The following TK2 variants were observed in gnomAD, a reference collection of about 807,000 sequenced individuals.
TK2 encodes the protein thymidine kinase 2.
Under a neutral mutation model 41.9 loss-of-function variants are expected in TK2, and 35 were observed. The ratio of observed to expected loss-of-function variants is 0.84; its 90% CI spans 0.64 to 1.11. The LOEUF is 1.11. Ranked by LOEUF, TK2 falls within the 50% of genes least tolerant of loss-of-function variation. The pLI, the probability that TK2 is intolerant of heterozygous loss-of-function variation, is 0.00. For missense variants in TK2, 320 were observed against 351.1 expected (o/e 0.91, Z 0.71); for synonymous variants, 128 against 129.1 (o/e 0.99, Z 0.06).
chr16:66,524,755 T>G (rs1964880992), intron 6 of TK2: 1 of 152,266 alleles, frequency 6.6e-6, no homozygotes, highest in African/African-American at 2.4e-5. Context: ...TCAGTGCTAC[T>G]GAAGTGGAAT....
At chr16:66,529,146 C>G in intron 5 of TK2, 79 bp from the exon 6 acceptor site, 1 of 1,354,034 alleles carries the variant, frequency 7.4e-7, no homozygotes, top group African/African-American at 1.4e-5. Context: ...GTCTGTTACT[C>G]CCCCTGCCTG....
chr16:66,545,180 T>C (rs536866813), intron 2 of TK2, among the ~76,000 whole-genome samples: 20 of 152,168 alleles, frequency 1.3e-4, no homozygotes, highest in African/African-American at 4.1e-4. Context: ...AATATGCATA[T>C]ATGTATTTAT....
chr16:66,549,173 C>T, intron 1 of TK2, 164 bp from the exon 2 acceptor site: 4 of 1,486,048 alleles, frequency 2.7e-6, no homozygotes, highest in Non-Finnish European at 2.7e-6. Context: ...GCACCACCGT[C>T]TCGCCGATGT....
chr16:66,521,766 G>A (rs890995385), intron 6 of TK2, among the ~76,000 whole-genome samples: 7 of 152,142 alleles, frequency 4.6e-5, no homozygotes, highest in African/African-American at 9.7e-5. Context: ...CAGAATGCAC[G>A]GAGAGCAATA....
chr16:66,549,902 G>A (rs749655552), intron 1 of TK2, 36 bp downstream of exon 1: 3 of 1,336,946 alleles, frequency 2.2e-6, no homozygotes, highest in Non-Finnish European at 2.9e-6. Flanking sequence ...TGGGCGCATA[G>A]GGGCTCCTGG....
At chr16:66,550,166 C>T (rs766428251), upstream of TK2, 2 of 1,612,532 alleles carry the variant, frequency 1.2e-6, no homozygotes, top group Non-Finnish European at 1.7e-6. Context: ...GGCGCCTGGC[C>T]CTTAAAGAGA....
Position 66,528,953 on chromosome 16 carries a change from T to C in TK2, c.449+41A>G, listed in dbSNP as rs192854904. 2.1e-4 allele frequency: 326 copies of C among 1,580,398 alleles called. No homozygotes were observed. In the African/African-American group the frequency reaches 4.0e-3, roughly 19 times the overall value. On this transcript the variant is annotated intron_variant, in intron 6 of 9. Coordinates refer to ENST00000544898, the MANE Select transcript of TK2 (RefSeq NM_004614.5). ...CAAGTTTCTATTTCATTTTGAAAAA[T>C]TAGTGGTTTAATAAATTATCAACTA... is the stretch of plus-strand genomic sequence containing the variant.
chr16:66,515,702 T>C (rs572351050), intron 8 of TK2, among the ~76,000 whole-genome samples: 69 of 152,356 alleles, frequency 4.5e-4, no homozygotes, highest in East Asian at 1.4e-3. Context: ...TCTGGGTCAC[T>C]GCACAGAGCT....
chr16:66,529,517 G>A (rs1001617110), intron 5 of TK2, among the ~76,000 whole-genome samples: 8 of 152,242 alleles, frequency 5.3e-5, no homozygotes, highest in South Asian at 2.1e-4. Context: ...CAAGAGGGTC[G>A]GGTTGGGGGT....
chr16:66,517,147 CCTT>C lies in TK2; in HGVS notation c.604_606del (p.Lys202del), dbSNP rs281865501. The C allele has an allele frequency of 2.2e-5, 35 of 1,614,174 alleles. No homozygotes were observed. The highest frequency in any genetic ancestry group is 6.7e-5 in the Admixed American group (4 of 60,028). ...AAGAGGCCTCTTACCAGCGGAATGACCTTCTCCTCTTCCCTGCATCTCTTCTTT... is the reference window on the plus strand; with the variant it reads ...AAGAGGCCTCTTACCAGCGGAATGACCTCCTCTTCCCTGCATCTCTTCTTT... On this transcript the variant is annotated inframe_deletion, in exon 8 of 10. Coordinates refer to ENST00000544898, the MANE Select transcript of TK2 (RefSeq NM_004614.5). The surrounding 1 kb of genome is among the most constrained non-coding windows in gnomAD (Gnocchi z 4.3).
chr16:66,528,327 C>T (rs1964998260), intron 6 of TK2, among the ~76,000 whole-genome samples: 1 of 152,218 alleles, frequency 6.6e-6, no homozygotes, highest in Non-Finnish European at 1.5e-5. Flanking sequence ...GCCCTTGGCA[C>T]TGACAGGCCA....
intron 8 of TK2, 114 bp from the exon 9 acceptor site, chr16:66,513,925 A>C: frequency 1.1e-6 from 1 of 909,662 alleles, no homozygotes; most frequent in Admixed American, 2.0e-5. Flanking sequence ...TGACTCAGAC[A>C]AAGGAACCCT....
intron 2 of TK2, among the ~76,000 whole-genome samples, chr16:66,543,163 T>G (rs1250789493): frequency 5.3e-5 from 8 of 152,184 alleles, no homozygotes. Flanking sequence ...CGTGAGCCAC[T>G]GCACCCGGCC....
At chr16:66,545,386 C>T (rs1466910482) in intron 2 of TK2, among the ~76,000 whole-genome samples, 1 of 152,140 alleles carries the variant, frequency 6.6e-6, no homozygotes, top group African/African-American at 2.4e-5. Context: ...CCTGAGAAAT[C>T]TGCAGTCAAA....
Position 66,548,960 on chromosome 16 carries a change from C to T in TK2, c.156+18G>A. On this transcript the variant is annotated intron_variant, in intron 2 of 9. Transcript: ENST00000544898. ...AAACCAAATTATCCTAGAGAGTACA[C>T]ATAAAAGAGGGACTTACCACTGATT... is the stretch of plus-strand genomic sequence containing the variant. The T allele has an allele frequency of 6.2e-7, 1 of 1,609,054 alleles. No individual in the cohort carries two copies. The highest frequency in any genetic ancestry group is 2.2e-5 in the East Asian group (1 of 44,828).
At chr16:66,531,288 G>T in intron 5 of TK2, 92 bp downstream of exon 5, 1 of 1,284,908 alleles carries the variant, frequency 7.8e-7, no homozygotes, top group Non-Finnish European at 1.1e-6. Flanking sequence ...GCCTAGCCTG[G>T]CTTCCTTGTA....
chr16:66,509,298 C>G lies in TK2; in HGVS notation c.*2670G>C, dbSNP rs758186862. The G allele has an allele frequency of 6.6e-6, 1 of 152,222 alleles. No individual in the cohort carries two copies. The highest frequency in any genetic ancestry group is 1.9e-4 in the East Asian group (1 of 5,184). The allele number at this position is 152,222 out of a possible 1,614,324, so 9.4% of individuals were successfully genotyped here. On this transcript the variant is annotated 3_prime_UTR_variant, in exon 10 of 10. Coordinates refer to ENST00000544898, the MANE Select transcript of TK2 (RefSeq NM_004614.5). ...GGAAGCCAGGAGCCAAGAGGTGGAC[C>G]CAAAAGAGAAAGGTGGGAAGAGCCT...
In TK2 at chr16:66,514,310, G is replaced by A. The variant is rs534632489; in HGVS notation, c.619-499C>T. Among the ~76,000 whole-genome samples the A allele has an allele frequency of 6.6e-5, 10 of 152,206 alleles. No individual in the cohort carries two copies. The highest frequency in any genetic ancestry group is 2.1e-4 in the South Asian group (1 of 4,828). The stretch of plus-strand genomic sequence containing the variant: ...GGTTTTCGTATTTTTTGGTGGAGAC[G>A]GGGTTTCGCTGTGTTGGCCGGGCTG... On this transcript the variant is annotated intron_variant, in intron 8 of 9. Coordinates refer to ENST00000544898, the MANE Select transcript of TK2 (RefSeq NM_004614.5). The surrounding 1 kb of genome is among the most constrained non-coding windows in gnomAD (Gnocchi z 4.2).
rs771042251 is a variant in TK2 at position 66,550,084 on chromosome 16, G to A, written c.-23C>T. On this transcript the variant is annotated 5_prime_UTR_variant, in exon 1 of 10. Coordinates refer to ENST00000544898, the MANE Select transcript of TK2 (RefSeq NM_004614.5). ...CATAGCCGGGCGAGCGGATCCAGAG[G>A]CCCGGGGTTCCTTCTTGTGCGAGTC... 9.4e-6 allele frequency: 15 copies of A among 1,601,054 alleles called. No individual in the cohort carries two copies. In the Admixed American group the frequency reaches 2.1e-4, roughly 22 times the overall value.
Sources: allele counts gnomAD v4.1 joint callset (sites outside exome capture counted in the v4.1 genomes callset), GRCh38; gene constraint gnomAD v4.1.1; non-coding constraint Gnocchi (gnomAD v3.1); transcripts MANE v1.5; gene names NCBI Gene and HGNC (gene_info 2026-07-23, HGNC 2026-07-21).